Variants in ACAD9 observed in about 807,000 individuals in gnomAD.
The protein encoded by ACAD9 is acyl-CoA dehydrogenase family member 9, also known as complex I assembly factor ACAD9, mitochondrial.
Under a neutral mutation model 70.2 loss-of-function variants are expected in ACAD9, and 53 were observed. The observed-to-expected ratio is 0.75, with a 90% CI of 0.61 to 0.95. The LOEUF (loss-of-function observed/expected upper bound fraction) is 0.95. Ranked by LOEUF, ACAD9 falls within the 40% of genes least tolerant of loss-of-function variation. The pLI, the probability that ACAD9 is intolerant of heterozygous loss-of-function variation, is 0.00. For synonymous variants in ACAD9, 313 were observed against 312.1 expected (o/e 1.00, Z -0.03); for missense variants, 777 against 802.8 (o/e 0.97, Z 0.39).
chr3:128,901,799 G>A (rs1204408199), intron 8 of ACAD9, among the ~76,000 whole-genome samples: 1 of 152,164 alleles, frequency 6.6e-6, no homozygotes, highest in Non-Finnish European at 1.5e-5. Flanking sequence ...TATTCACTAT[G>A]TTGTTCAAAT....
chr3:128,897,752 A>T, intron 6 of ACAD9, 42 bp downstream of exon 6: 1 of 1,566,892 alleles, frequency 6.4e-7, no homozygotes, highest in Non-Finnish European at 8.7e-7. Context: ...TCTCAGTCAC[A>T]ACCTTCACTG....
intron 15 of ACAD9, 57 bp downstream of exon 15, chr3:128,909,478 C>G (rs1936045711): frequency 6.5e-7 from 1 of 1,530,718 alleles, no homozygotes; most frequent in African/African-American, 1.4e-5. Flanking sequence ...GGCCAGCATT[C>G]ATGAGACTAC....
chr3:128,897,371 G>A (rs542722862), intron 5 of ACAD9, among the ~76,000 whole-genome samples: 1 of 152,154 alleles, frequency 6.6e-6, no homozygotes, highest in Non-Finnish European at 1.5e-5. Flanking sequence ...TAGTAGAGAC[G>A]GGGTTTCACC....
chr3:128,896,607 T>A, intron 5 of ACAD9, 71 bp downstream of exon 5: 2 of 1,468,386 alleles, frequency 1.4e-6, no homozygotes, highest in South Asian at 2.3e-5. Context: ...GGCAAGGGGC[T>A]GTTGGTTTTG....
intron 1 of ACAD9, among the ~76,000 whole-genome samples, chr3:128,882,728 T>C (rs1302662448): frequency 2.0e-5 from 3 of 152,246 alleles, no homozygotes; most frequent in Admixed American, 6.5e-5. Flanking sequence ...TTTACATATT[T>C]GGTTTCTGCA....
At chr3:128,909,556 G>A in intron 15 of ACAD9, 135 bp downstream of exon 15, 2 of 964,592 alleles carry the variant, frequency 2.1e-6, no homozygotes, top group Non-Finnish European at 3.2e-6. Flanking sequence ...GGGATGGGGT[G>A]GTGAGGTCAG....
chr3:128,883,546 C>T (rs1460236685), intron 1 of ACAD9, among the ~76,000 whole-genome samples: 8 of 151,970 alleles, frequency 5.3e-5, no homozygotes, highest in East Asian at 1.9e-4. Context: ...TTAGTAGAAA[C>T]GGGGTTTCAC....
At chr3:128,895,496 C>A in intron 4 of ACAD9, 80 bp downstream of exon 4, 1 of 1,348,472 alleles carries the variant, frequency 7.4e-7, no homozygotes, top group Non-Finnish European at 1.0e-6. Context: ...CAGAGGCTTG[C>A]TCCCTCTGAA....
intron 2 of ACAD9, among the ~76,000 whole-genome samples, chr3:128,888,615 C>T (rs1935323600): frequency 6.6e-6 from 1 of 152,012 alleles, no homozygotes; most frequent in African/African-American, 2.4e-5. Flanking sequence ...CCTGTGGGAC[C>T]CCCTAGAAGC....
At chr3:128,892,387 G>A (rs1935446514) in intron 2 of ACAD9, among the ~76,000 whole-genome samples, 1 of 152,124 alleles carries the variant, frequency 6.6e-6, no homozygotes, top group Non-Finnish European at 1.5e-5. Context: ...CTTAAGTGTA[G>A]GTTATGGTGT....
In ACAD9 at chr3:128,899,388, C is replaced by G; in HGVS notation, c.735C>G (p.Phe245Leu). The change falls in exon 7 of 18, where the codon TTC becomes TTG. Residue 245 changes from phenylalanine (F) to leucine (L), a missense_variant. Physicochemically the swap from Phe to Leu is conservative, Grantham distance 22 (BLOSUM62 0). Transcript: ENST00000308982. ...DGSVKDKITA[F>L]IVERDFGGVT... ...CAGTGAAAGACAAAATCACAGCATTCATAGTAGAAAGAGACTTTGGTGGAG... is the reference window on the plus strand; with the variant it reads ...CAGTGAAAGACAAAATCACAGCATTGATAGTAGAAAGAGACTTTGGTGGAG... 1 of 1,614,228 alleles carries G rather than the reference C, an allele frequency of 6.2e-7. No individual in the cohort carries two copies. The highest frequency in any genetic ancestry group is 8.5e-7 in the Non-Finnish European group (1 of 1,180,050).
rs768809095 is a variant in ACAD9, at chr3:128,910,062, C to T, written c.1605C>T (p.Asn535=). Residue 535 remains asparagine, a synonymous_variant, in exon 16 of 18, where the codon AAC becomes AAT. Coordinates refer to ENST00000308982, the MANE Select transcript of ACAD9 (RefSeq NM_014049.5). ...AGCTGGTACTGAAGCGGGTGGCCAACATCCTCATCAACCTGTATGGCATGA... is the reference window on the plus strand; with the variant it reads ...AGCTGGTACTGAAGCGGGTGGCCAATATCCTCATCAACCTGTATGGCATGA... ...EEQLVLKRVA[N]ILINLYGMTA... 16 of 1,613,890 alleles carry T rather than the reference C, an allele frequency of 9.9e-6. No individual in the cohort carries two copies. Among genetic ancestry groups the T allele is most frequent in the Admixed American group, 1.7e-5 (1 of 59,990 alleles).
chr3:128,910,588 G>A (rs1936175711), intron 16 of ACAD9, among the ~76,000 whole-genome samples, 153 bp from the exon 17 acceptor site: 1 of 152,204 alleles, frequency 6.6e-6, no homozygotes, highest in Non-Finnish European at 1.5e-5. Flanking sequence ...GTTGGATCAG[G>A]GCTGGAATTA....
intron 12 of ACAD9, among the ~76,000 whole-genome samples, chr3:128,907,157 G>T (rs1391463757): frequency 6.6e-6 from 1 of 152,158 alleles, no homozygotes; most frequent in Admixed American, 6.5e-5. Flanking sequence ...TGAGCAGCAG[G>T]TCTGGTGATG....
Sources: gnomAD v4.1 joint callset for allele counts (sites outside exome capture counted in the v4.1 genomes callset) on GRCh38, gnomAD v4.1.1 for gene constraint, MANE v1.5 for transcripts, NCBI Gene and HGNC (gene_info 2026-07-23, HGNC 2026-07-21) for gene names.